Variants in RARB observed in about 807,000 individuals in gnomAD.
RARB encodes the protein HBV-activated protein.
Under a neutral mutation model 51.9 loss-of-function variants are expected in RARB, and 17 were observed. That is an observed-to-expected ratio of 0.33 (90% confidence interval 0.22 to 0.49). The LOEUF is 0.49. Among genes scored for constraint, RARB ranks in the 20% least tolerant of loss-of-function variants. The pLI, the probability that RARB is intolerant of heterozygous loss-of-function variation, is 0.99. For missense variants in RARB, 369 were observed against 550.8 expected, an observed-to-expected ratio of 0.67 and a Z score of 3.30; for synonymous variants, 215 against 195.4, an observed-to-expected ratio of 1.10 and a Z score of -0.84.
At chr3:24,886,729 C>G (rs1703274933) in intron 2 of RARB, among the ~76,000 whole-genome samples, 1 of 152,110 alleles carries the variant, frequency 6.6e-6, no homozygotes, top group Non-Finnish European at 1.5e-5. Flanking sequence ...ACCCACCGCG[C>G]CTAACCTGTA....
chr3:25,556,237 A>G (rs1181186685), intron 3 of RARB, among the ~76,000 whole-genome samples: 1 of 152,204 alleles, frequency 6.6e-6, no homozygotes, highest in Non-Finnish European at 1.5e-5. Flanking sequence ...CTTTACAGAC[A>G]GTGCAATTTG....
At position 25,489,658 on chromosome 3, in the gene RARB, T is replaced by G. The variant is rs146414529; in HGVS notation, c.307-11524T>G. 6.1e-3 allele frequency among the ~76,000 whole-genome samples: 923 copies of G among 152,360 alleles called. 9 individuals carry two copies. Among genetic ancestry groups the G allele is most frequent in the African/African-American group, 0.021 (894 of 41,592 alleles). The stretch of plus-strand genomic sequence containing the variant: ...AACAGCATATGCTGGTAGTGGGGGC[T>G]TGGCGGGAGCCTGACCCCTCTTGGG... On this transcript the variant is annotated intron_variant, in intron 2 of 7. Transcript: ENST00000330688.
chr3:25,357,652 A>G (rs1252263273), intron 5 of RARB, among the ~76,000 whole-genome samples: 3 of 152,164 alleles, frequency 2.0e-5, no homozygotes, highest in African/African-American at 4.8e-5. Context: ...TAGGTCTTAC[A>G]TTTAAATCTT....
At chr3:25,404,516 G>C (rs941364814) in intron 5 of RARB, among the ~76,000 whole-genome samples, 1 of 152,142 alleles carries the variant, frequency 6.6e-6, no homozygotes, top group African/African-American at 2.4e-5. Flanking sequence ...ATAAATAATT[G>C]ACCCAGGGTA....
chr3:24,884,743 G>T (rs192362205), intron 2 of RARB, among the ~76,000 whole-genome samples: 460 of 152,174 alleles, frequency 3.0e-3, no homozygotes, highest in Middle Eastern at 0.017. Context: ...TCATGTTTTT[G>T]TCCTCGATAA....
At chr3:25,039,089 T>G (rs1216265429) in intron 2 of RARB, among the ~76,000 whole-genome samples, 1 of 152,216 alleles carries the variant, frequency 6.6e-6, no homozygotes, top group Admixed American at 6.5e-5. Context: ...AGCTTCTGTT[T>G]CACTTCTCTT....
chr3:25,119,594 C>A lies in RARB; in HGVS notation c.-327-12567C>A, dbSNP rs141551260. On this transcript the variant is annotated intron_variant, in intron 3 of 11. Transcript: ENST00000383772. ...GTGCAGCACAGGACAGGTGGTAGGT[C>A]AGATAAATGGGTGTAACTCAGCGCA... Among the ~76,000 whole-genome samples the A allele has an allele frequency of 1.3e-3, 193 of 149,992 alleles. 6 individuals are homozygous for A. The South Asian group carries it at 0.03, about 23-fold the overall frequency.
chr3:24,924,611 G>C (rs917231681), intron 2 of RARB, among the ~76,000 whole-genome samples: 1 of 152,140 alleles, frequency 6.6e-6, no homozygotes. Context: ...TACTCAGTCA[G>C]TATATAAAGC....
chr3:25,365,393 T>A lies in RARB; in HGVS notation c.179-95800T>A, dbSNP rs368822643. Among the ~76,000 whole-genome samples, 11 of 151,992 alleles carry A rather than the reference T, an allele frequency of 7.2e-5. No individual in the cohort carries two copies. The East Asian group carries it at 1.8e-3, about 24-fold the overall frequency. ...TCTCAAAGTACTGGGATTATAGGCA[T>A]GAGCCACCATGCCTGTCTCATCCAT... On this transcript the variant is annotated intron_variant, in intron 5 of 11. Coordinates refer to the RARB transcript ENST00000383772.
At chr3:25,404,613 C>T (rs536246810) in intron 5 of RARB, among the ~76,000 whole-genome samples, 1 of 152,222 alleles carries the variant, frequency 6.6e-6, no homozygotes, top group Admixed American at 6.5e-5. Flanking sequence ...TGAGCACCTG[C>T]TGTTTGCAAG....
chr3:25,268,224 T>C (rs1231382686), intron 5 of RARB, among the ~76,000 whole-genome samples: 1 of 152,150 alleles, frequency 6.6e-6, no homozygotes, highest in Admixed American at 6.5e-5. Flanking sequence ...ACTGATACTT[T>C]TTTTCTTTTT....
chr3:25,178,882 T>A (rs1419514504), intron 5 of RARB, among the ~76,000 whole-genome samples: 1 of 152,216 alleles, frequency 6.6e-6, no homozygotes, highest in Non-Finnish European at 1.5e-5. Flanking sequence ...TGTCTCTCTT[T>A]ATGTTCCTTT....
intron 3 of RARB, among the ~76,000 whole-genome samples, chr3:25,504,341 A>G (rs1176494374): frequency 1.3e-5 from 2 of 152,204 alleles, no homozygotes; most frequent in Non-Finnish European, 2.9e-5. Context: ...AAGAGAGACT[A>G]TTAGATCCCG....
At chr3:25,549,416 C>A (rs763641059) in intron 3 of RARB, among the ~76,000 whole-genome samples, 2 of 152,096 alleles carry the variant, frequency 1.3e-5, no homozygotes, top group African/African-American at 4.8e-5. Context: ...GTGAACATTA[C>A]GTTCTGATTC....
upstream of RARB, chr3:25,428,152 C>T (rs1708051731): frequency 6.7e-6 from 7 of 1,041,730 alleles, no homozygotes. Flanking sequence ...CTGTGAGAAT[C>T]CTGGGAGTTG....
At chr3:25,349,132 G>T (rs1294214011) in intron 5 of RARB, among the ~76,000 whole-genome samples, 1 of 152,152 alleles carries the variant, frequency 6.6e-6, no homozygotes, top group Non-Finnish European at 1.5e-5. Context: ...CCCCAATGAA[G>T]GCGGAAAGGG....
chr3:25,031,645 C>G lies in RARB; in HGVS notation c.-379-28480C>G, dbSNP rs568544255. Among the ~76,000 whole-genome samples the G allele has an allele frequency of 5.3e-5, 8 of 152,318 alleles. No individual in the cohort carries two copies. In the South Asian group the frequency reaches 1.7e-3, roughly 32 times the overall value. Reference sequence around the variant, plus strand: ...TGATGAACTCTTTCTCTCATCCCCCCTCTCTATCTAGCAAGCACTTGGGGT... The same window carrying G: ...TGATGAACTCTTTCTCTCATCCCCCGTCTCTATCTAGCAAGCACTTGGGGT... On this transcript the variant is annotated intron_variant, in intron 2 of 11. Coordinates refer to the RARB transcript ENST00000383772.
intron 2 of RARB, among the ~76,000 whole-genome samples, chr3:24,945,093 C>T (rs569369832): frequency 6.6e-6 from 1 of 152,264 alleles, no homozygotes; most frequent in East Asian, 1.9e-4. Flanking sequence ...ATAAAACTAA[C>T]ATTATCTATT....
At chr3:25,500,139 C>T (rs1186164258) in intron 2 of RARB, among the ~76,000 whole-genome samples, 1 of 152,104 alleles carries the variant, frequency 6.6e-6, no homozygotes, top group Admixed American at 6.6e-5. Flanking sequence ...TAGCTATGGG[C>T]CAGATGTGGC....
Sources: allele counts gnomAD v4.1 joint callset (sites outside exome capture counted in the v4.1 genomes callset), GRCh38; gene constraint gnomAD v4.1.1; transcripts MANE v1.5; gene names NCBI Gene and HGNC (gene_info 2026-07-23, HGNC 2026-07-21).